Variants in ZNF146 observed in about 807,000 individuals in gnomAD.
The protein encoded by ZNF146 is zinc finger protein OZF.
A neutral mutation model predicts 22.2 loss-of-function variants in ZNF146; 9 were observed. The observed-to-expected ratio is 0.41, with a 90% CI of 0.24 to 0.71. ZNF146 has a LOEUF of 0.71. Among genes scored for constraint, ZNF146 ranks in the 30% least tolerant of loss-of-function variants. The probability of loss-of-function intolerance (pLI) is 0.34; values close to 1 mark genes in which losing one functional copy is unlikely to be tolerated. For missense variants in ZNF146, 194 were observed against 344.8 expected, an observed-to-expected ratio of 0.56 and a Z score of 3.46; for synonymous variants, 108 against 119.2, an observed-to-expected ratio of 0.91 and a Z score of 0.61.
At chr19:36,223,076 G>A (rs889883366) in intron 2 of ZNF146, among the ~76,000 whole-genome samples, 4 of 151,726 alleles carry the variant, frequency 2.6e-5, no homozygotes, top group Admixed American at 1.3e-4. Context: ...CAAGTAGCGG[G>A]GACTACAGGC....
rs1444629935 is a variant in ZNF146 at position 36,236,216 on chromosome 19, A to G, written c.-225A>G. The stretch of plus-strand genomic sequence containing the variant: ...AAACTAGTGAAGGTAGCAATACTTC[A>G]TTGAATATTAGAAAATTTTTCTAGA... On this transcript the variant is annotated 5_prime_UTR_variant, in exon 4 of 4. Coordinates refer to ENST00000443387, the MANE Select transcript of ZNF146 (RefSeq NM_007145.3). The G allele has an allele frequency of 2.0e-6, 1 of 493,752 alleles. No individual in the cohort carries two copies. The highest frequency in any genetic ancestry group is 3.8e-5 in the South Asian group (1 of 26,152). 30.6% of individuals were successfully genotyped at this position (493,752 alleles called of 1,614,324 possible).
At position 36,215,108 on chromosome 19, in the gene ZNF146, G is replaced by A. The variant is rs1184923256; in HGVS notation, c.-1017G>A. 3 of 152,364 alleles carry A rather than the reference G, an allele frequency of 2.0e-5. No individual in the cohort carries two copies. The highest frequency in any genetic ancestry group is 4.4e-5 in the Non-Finnish European group (3 of 68,142). The allele number at this position is 152,364 out of a possible 1,614,324, so 9.4% of individuals were successfully genotyped here. On this transcript the variant is annotated 5_prime_UTR_variant, in exon 1 of 4. In the 5' UTR this introduces an upstream ATG that the reference lacks. Coordinates refer to ENST00000443387, the MANE Select transcript of ZNF146 (RefSeq NM_007145.3). ...CTGGGAGTGCTTCCTCGCTCTCCGA[G>A]TGCGCAAGCGCAGCGCACCGAGTGG... is the stretch of plus-strand genomic sequence containing the variant.
intron 3 of ZNF146, among the ~76,000 whole-genome samples, chr19:36,233,684 G>T (rs1977500785): frequency 6.6e-6 from 1 of 152,178 alleles, no homozygotes; most frequent in African/African-American, 2.4e-5. Context: ...TGCTTTTGAT[G>T]TGCATATACA....
rs377410312 is a variant in ZNF146 at position 36,237,163 on chromosome 19, T to C, written c.723T>C (p.Gly241=). Residue 241 remains glycine, a synonymous_variant, in exon 4 of 4, where the codon GGT becomes GGC. Transcript: ENST00000443387. ...GCCATACAGGGGAGAAGCCCTATGG[T>C]TGTAATGAATGTGGGAAAGCTTTCT... The part of the protein sequence containing the change: ...VRSHTGEKPY[G]CNECGKAFSQ... The C allele has an allele frequency of 6.2e-6, 10 of 1,614,072 alleles. No homozygotes were observed. The African/African-American group carries it at 1.3e-4, about 22-fold the overall frequency.
rs540739745 is a variant in ZNF146 at position 36,232,561 on chromosome 19, C to G, written c.-782-3098C>G. Among the ~76,000 whole-genome samples the G allele has an allele frequency of 3.7e-4, 56 of 150,842 alleles. 1 individual carries two copies. The South Asian group carries it at 0.012, about 31-fold the overall frequency. On this transcript the variant is annotated intron_variant, in intron 3 of 3. Coordinates refer to ENST00000443387, the MANE Select transcript of ZNF146 (RefSeq NM_007145.3). Reference sequence around the variant, plus strand: ...AACGCATGAGTTGCTGTTAAATAATCTATGAATTTTTTGTGTGGAAATACT... The same window carrying G: ...AACGCATGAGTTGCTGTTAAATAATGTATGAATTTTTTGTGTGGAAATACT...
intron 2 of ZNF146, among the ~76,000 whole-genome samples, chr19:36,226,865 C>T (rs1206476676): frequency 6.6e-6 from 1 of 152,102 alleles, no homozygotes; most frequent in Non-Finnish European, 1.5e-5. Flanking sequence ...GCAGGTGGAT[C>T]ACCTGTGGTC....
intron 2 of ZNF146, among the ~76,000 whole-genome samples, chr19:36,224,445 A>T (rs1568431347): frequency 6.6e-6 from 1 of 152,152 alleles, no homozygotes. Context: ...TTATATACTA[A>T]ATTCTCACAT....
At chr19:36,228,043 C>T (rs1977152068) in intron 2 of ZNF146, among the ~76,000 whole-genome samples, 1 of 151,740 alleles carries the variant, frequency 6.6e-6, no homozygotes, top group East Asian at 1.9e-4. Context: ...ACCCATAATC[C>T]CAGCTACTCA....
intron 3 of ZNF146, among the ~76,000 whole-genome samples, chr19:36,231,587 T>C (rs1301914049): frequency 6.6e-6 from 1 of 152,174 alleles, no homozygotes; most frequent in South Asian, 2.1e-4. Flanking sequence ...CTTACACAAC[T>C]TTACCTGTTT....
chr19:36,217,732 A>G (rs1243332326), intron 1 of ZNF146, among the ~76,000 whole-genome samples: 7 of 152,066 alleles, frequency 4.6e-5, no homozygotes, highest in Non-Finnish European at 7.4e-5. Flanking sequence ...TAAAAATACA[A>G]AATTAGCCAG....
chr19:36,234,618 T>C (rs1369825270), intron 3 of ZNF146, among the ~76,000 whole-genome samples: 4 of 152,142 alleles, frequency 2.6e-5, no homozygotes, highest in African/African-American at 4.8e-5. Flanking sequence ...AGGATGGTCT[T>C]GATCTCCTGA....
intron 2 of ZNF146, among the ~76,000 whole-genome samples, chr19:36,227,696 A>G (rs1040360532): frequency 6.6e-6 from 1 of 152,180 alleles, no homozygotes; most frequent in East Asian, 1.9e-4. Context: ...CTGAGACTAC[A>G]GGCGCACACC....
At chr19:36,226,698 C>T (rs1977081752) in intron 2 of ZNF146, among the ~76,000 whole-genome samples, 1 of 152,164 alleles carries the variant, frequency 6.6e-6, no homozygotes, top group Non-Finnish European at 1.5e-5. Context: ...TGATCAAAAT[C>T]GGGAAGTTTA....
At chr19:36,215,301 C>T (rs2145379644) in intron 1 of ZNF146, 105 bp downstream of exon 1, 1 of 152,412 alleles carries the variant, frequency 6.6e-6, no homozygotes. Context: ...GTAAGAGCTT[C>T]TGGCCTACGT....
intron 3 of ZNF146, among the ~76,000 whole-genome samples, chr19:36,231,899 C>A (rs565032171): frequency 7.1e-6 from 1 of 140,936 alleles, no homozygotes; most frequent in East Asian, 2.0e-4. Flanking sequence ...GACCCCGTAT[C>A]TTTTTTATTT....
intron 2 of ZNF146, among the ~76,000 whole-genome samples, chr19:36,226,512 C>T (rs77259149): frequency 2.3e-3 from 347 of 152,308 alleles, no homozygotes; most frequent in African/African-American, 7.8e-3. Context: ...TACCCAATTT[C>T]ACCAATCATT....
rs1433897703 is a variant in ZNF146, at chr19:36,236,474, G to A, written c.34G>A (p.Gly12Arg). 1 of 1,611,160 alleles carries A rather than the reference G, an allele frequency of 6.2e-7. No homozygotes were observed. Among genetic ancestry groups the A allele is most frequent in the African/African-American group, 1.3e-5 (1 of 74,748 alleles). Reference protein sequence around the residue: ...SHLSQQRIYSGENPFACKVCG... With the variant: ...SHLSQQRIYSRENPFACKVCG... ...CCTCAGCCAGCAGAGAATTTACAGT[G>A]GGGAAAACCCCTTTGCCTGTAAGGT... is the stretch of plus-strand genomic sequence containing the variant. The change falls in exon 4 of 4, where the codon GGG becomes AGG. Residue 12 changes from glycine (G) to arginine (R), a missense_variant. Gly to Arg is a moderately radical substitution (Grantham distance 125). Transcript: ENST00000443387.
At chr19:36,228,349 A>G (rs2074970426) in intron 2 of ZNF146, 2 of 152,202 alleles carry the variant, frequency 1.3e-5, no homozygotes, top group Non-Finnish European at 2.9e-5. Context: ...TCATCCACGA[A>G]TAAGGGCTGT....
intron 2 of ZNF146, among the ~76,000 whole-genome samples, chr19:36,220,071 T>G (rs1460794933): frequency 6.6e-6 from 1 of 152,188 alleles, no homozygotes; most frequent in Non-Finnish European, 1.5e-5. Context: ...TCATTGATCT[T>G]GGAAAGTTTT....
Sources: allele counts gnomAD v4.1 joint callset (sites outside exome capture counted in the v4.1 genomes callset), GRCh38; gene constraint gnomAD v4.1.1; transcripts MANE v1.5; gene names NCBI Gene and HGNC (gene_info 2026-07-23, HGNC 2026-07-21).